KIAA1549: variants seen among roughly 807,000 people sequenced by gnomAD.
The protein encoded by KIAA1549 is UPF0606 protein KIAA1549.
A neutral mutation model predicts 156.4 loss-of-function variants in KIAA1549; 70 were observed. The observed-to-expected ratio is 0.45, with a 90% CI of 0.37 to 0.55. The LOEUF is 0.55. Ranked by LOEUF, KIAA1549 falls within the 20% of genes least tolerant of loss-of-function variation. The pLI is 0.00. For missense variants in KIAA1549, 2,428 were observed against 2,540.9 expected, an observed-to-expected ratio of 0.96 and a Z score of 0.96; for synonymous variants, 1,103 against 1,066.4, an observed-to-expected ratio of 1.03 and a Z score of -0.67.
At chr7:138,911,585 G>C (rs1036739522) in intron 3 of KIAA1549, among the ~76,000 whole-genome samples, 1 of 152,158 alleles carries the variant, frequency 6.6e-6, no homozygotes, top group Non-Finnish European at 1.5e-5. Flanking sequence ...GCTGTTTGTT[G>C]TATTTAAAAC....
In KIAA1549 at chr7:138,971,886, C is replaced by T. The variant is rs191997793; in HGVS notation, c.187+9197G>A. Among the ~76,000 whole-genome samples, 6 of 152,306 alleles carry T rather than the reference C, an allele frequency of 3.9e-5. 1 individual carries two copies. The South Asian group carries it at 8.3e-4, about 21-fold the overall frequency. On this transcript the variant is annotated intron_variant, in intron 1 of 19. Transcript: ENST00000422774. ...CTGAGCACACAGGCTTTGACTCAGA[C>T]GTGGAGCGTAATGAAAACCATGGGG... is the stretch of plus-strand genomic sequence containing the variant.
chr7:138,966,552 A>G (rs1814031134), intron 1 of KIAA1549, among the ~76,000 whole-genome samples: 1 of 152,082 alleles, frequency 6.6e-6, no homozygotes, highest in Non-Finnish European at 1.5e-5. Context: ...GGAAGCATCC[A>G]GCATGGGAGA....
At chr7:138,885,336 C>G (rs1482646678) in intron 10 of KIAA1549, among the ~76,000 whole-genome samples, 1 of 152,162 alleles carries the variant, frequency 6.6e-6, no homozygotes, top group Non-Finnish European at 1.5e-5. Context: ...AATGGCTCAT[C>G]ACAGACAACC....
chr7:138,856,278 T>C (rs1452605660), intron 16 of KIAA1549, among the ~76,000 whole-genome samples: 1 of 151,872 alleles, frequency 6.6e-6, no homozygotes, highest in Non-Finnish European at 1.5e-5. Context: ...GACCTCGTGA[T>C]CCACCCACAT....
chr7:138,943,361 G>A (rs535808948), intron 1 of KIAA1549, among the ~76,000 whole-genome samples: 6 of 152,278 alleles, frequency 3.9e-5, no homozygotes, highest in Non-Finnish European at 7.4e-5. Context: ...CCCCAGCGCC[G>A]GCAGTCTCAG....
Position 138,903,861 on chromosome 7 carries a change from G to GCA in KIAA1549, c.3521-126_3521-125insTG, listed in dbSNP as rs1563070828. The GCA allele has an allele frequency of 1.1e-4, 68 of 623,694 alleles. No individual in the cohort carries two copies. In the African/African-American group the frequency reaches 2.1e-3, roughly 20 times the overall value. 38.6% of individuals were successfully genotyped at this position (623,694 alleles called of 1,614,324 possible). On this transcript the variant is annotated intron_variant, in intron 7 of 19. Transcript: ENST00000422774. ...TGTGTGTGTGTGTGTGTGCGCGCGC[G>GCA]CGCGCGCGCACATATGTATTTGAAA...
intron 15 of KIAA1549, among the ~76,000 whole-genome samples, chr7:138,861,767 A>G (rs1810592216): frequency 6.6e-6 from 1 of 151,496 alleles, no homozygotes; most frequent in Non-Finnish European, 1.5e-5. Flanking sequence ...GTTACTTGGG[A>G]GGCTGAGGTG....
At chr7:138,924,182 C>CTTTTTTTTTTT (rs1233229501) in intron 1 of KIAA1549, among the ~76,000 whole-genome samples, 1 of 92,354 alleles carries the variant, frequency 1.1e-5, no homozygotes, top group Non-Finnish European at 2.1e-5. Context: ...CTTTTCTTTT[C>CTTTTTTTTTTT]TTTTTTTTTT....
Position 138,918,044 on chromosome 7 carries a change from G to A in KIAA1549, c.1582C>T (p.Leu528Phe), listed in dbSNP as rs776027490. The change falls in exon 2 of 20, where the codon CTC becomes TTC. Residue 528 changes from leucine to phenylalanine, a missense_variant. Around this residue, in one of 5 missense-constraint regions of KIAA1549, gnomAD observed 893 missense variants for 847.9 expected, o/e 1.05. Transcript: ENST00000422774. This position sits in a 1 kb window ranked among gnomAD's most constrained non-coding sequence, Gnocchi z 4.2. ...TTQVPPAHGR[L>F]SVPASLDPTA... ...GGATCAAGTGACGCCGGCACAGAGA[G>A]GCGGCCGTGGGCAGGGGGAACCTGT... 1 of 1,611,598 alleles carries A rather than the reference G, an allele frequency of 6.2e-7. No individual in the cohort carries two copies. The highest frequency in any genetic ancestry group is 8.5e-7 in the Non-Finnish European group (1 of 1,178,874).
chr7:138,971,438 C>T lies in KIAA1549; in HGVS notation c.187+9645G>A, dbSNP rs1053002135. On this transcript the variant is annotated intron_variant, in intron 1 of 19. Transcript: ENST00000422774. ...GCCCTAGATCCCATCCCTTCCAAGC[C>T]CCCAGGAGCTTTCACTCCTGCCCTC... Among the ~76,000 whole-genome samples the T allele has an allele frequency of 2.6e-5, 4 of 152,148 alleles. 1 individual carries two copies. The South Asian group carries it at 8.3e-4, about 32-fold the overall frequency.
intron 1 of KIAA1549, among the ~76,000 whole-genome samples, chr7:138,958,940 C>T (rs922642893): frequency 3.3e-5 from 5 of 152,082 alleles, no homozygotes; most frequent in Non-Finnish European, 7.4e-5. Flanking sequence ...TGCTCTGTCA[C>T]CCAGGCTGGA....
chr7:138,869,708 G>A lies in KIAA1549; in HGVS notation c.4605C>T (p.Ile1535=), dbSNP rs752438206. The A allele has an allele frequency of 3.1e-6, 5 of 1,612,290 alleles. No homozygotes were observed. The highest frequency in any genetic ancestry group is 1.7e-5 in the Admixed American group (1 of 60,024). Residue 1535 remains isoleucine, a synonymous_variant, in exon 14 of 20, where the codon ATC becomes ATT. Transcript: ENST00000422774. ...GCCCGCGGCGCTTGGCGCGCAGGCG[G>A]ATCTTGTTGCGATGGTGCTCGATCT... ...KSEIEHHRNK[I]RLRAKRRGHY...
intron 1 of KIAA1549, among the ~76,000 whole-genome samples, chr7:138,936,910 T>A (rs1322126089): frequency 2.0e-5 from 3 of 152,140 alleles, no homozygotes; most frequent in Non-Finnish European, 4.4e-5. Flanking sequence ...TGCAGCCTCC[T>A]CTATCCCCTC....
chr7:138,947,903 T>C (rs185885416), intron 1 of KIAA1549, among the ~76,000 whole-genome samples: 6 of 152,068 alleles, frequency 3.9e-5, no homozygotes, highest in African/African-American at 1.2e-4. Context: ...GCTGGGACTA[T>C]AGGCATGCAC....
chr7:138,930,143 G>A (rs949964640), intron 1 of KIAA1549, among the ~76,000 whole-genome samples: 2 of 152,176 alleles, frequency 1.3e-5, no homozygotes, highest in Non-Finnish European at 2.9e-5. Flanking sequence ...AGCAGTAATA[G>A]TTTGAAAGGA....
In KIAA1549 at chr7:138,894,485, T is replaced by C; in HGVS notation, c.3889A>G (p.Asn1297Asp). 1.2e-6 allele frequency: 2 copies of C among 1,614,026 alleles called. No individual in the cohort carries two copies. The highest frequency in any genetic ancestry group is 1.7e-6 in the Non-Finnish European group (2 of 1,179,892). Residue 1297 changes from asparagine to aspartate, a missense_variant, in exon 10 of 20, where the codon AAC becomes GAC. This residue lies in a region of KIAA1549 where 762 missense variants were observed against 901.6 expected (regional missense o/e 0.85). Coordinates refer to ENST00000422774, the MANE Select transcript of KIAA1549 (RefSeq NM_001164665.2). ...ACGCCAACAATGACCCACAAGTTGT[T>C]GCTCTGGGATTCCGGAGACGGCCTC... ...VKRPSPESQSNNLWVIVGVVI... is the reference protein window; with the variant it reads ...VKRPSPESQSDNLWVIVGVVI...
intron 13 of KIAA1549, among the ~76,000 whole-genome samples, 170 bp downstream of exon 13, chr7:138,870,987 T>C (rs571221072): frequency 8.5e-5 from 13 of 152,118 alleles, no homozygotes; most frequent in Non-Finnish European, 1.8e-4. Context: ...CCAGCTAATT[T>C]TGTATTTTTA....
chr7:138,964,170 C>T (rs1442222860), intron 1 of KIAA1549, among the ~76,000 whole-genome samples: 1 of 152,184 alleles, frequency 6.6e-6, no homozygotes, highest in Non-Finnish European at 1.5e-5. Context: ...ACAGTCAGGG[C>T]TTCTAACAGG....
At chr7:138,915,012 C>T (rs1812278490) in intron 2 of KIAA1549, among the ~76,000 whole-genome samples, 1 of 152,158 alleles carries the variant, frequency 6.6e-6, no homozygotes, top group Non-Finnish European at 1.5e-5. Flanking sequence ...GCATGAGAAA[C>T]TCTTTTCCCT....
Sources: gnomAD v4.1 joint callset for allele counts (sites outside exome capture counted in the v4.1 genomes callset) on GRCh38, gnomAD v4.1.1 for gene constraint, gnomAD v4.1.1 regional missense constraint, Gnocchi (gnomAD v3.1) non-coding constraint, MANE v1.5 for transcripts, NCBI Gene and HGNC (gene_info 2026-07-23, HGNC 2026-07-21) for gene names.